Variants in RICTOR observed in about 807,000 individuals in gnomAD.
The protein encoded by RICTOR is rapamycin-insensitive companion of mTOR.
In RICTOR, 49 loss-of-function variants were observed where a neutral mutation model predicts 214.9. The observed-to-expected ratio is 0.23, with a 90% CI of 0.18 to 0.29. The LOEUF is 0.29. RICTOR is among the 10% of genes least tolerant of loss of function. RICTOR has a pLI of 1.00. For missense variants in RICTOR, 1,625 were observed against 2,047.0 expected, an observed-to-expected ratio of 0.79 and a Z score of 3.98; for synonymous variants, 717 against 711.3, an observed-to-expected ratio of 1.01 and a Z score of -0.13.
At chr5:38,990,866 G>GATATATGATAGAT in intron 7 of RICTOR, 83 bp downstream of exon 7, 1 of 611,216 alleles carries the variant, frequency 1.6e-6, no homozygotes, top group East Asian at 3.5e-5. Flanking sequence ...ATATATGATA[G>GATATATGATAGAT]ATATATGATA....
chr5:39,047,706 A>G (rs1757588058), intron 2 of RICTOR, among the ~76,000 whole-genome samples: 3 of 152,238 alleles, frequency 2.0e-5, no homozygotes, highest in Admixed American at 2.0e-4. Flanking sequence ...GCTGTATGAA[A>G]TGAGTTTAGG....
intron 6 of RICTOR, among the ~76,000 whole-genome samples, chr5:38,993,266 T>C (rs1336730695): frequency 6.6e-6 from 1 of 152,174 alleles, no homozygotes; most frequent in Non-Finnish European, 1.5e-5. Flanking sequence ...CTCTTTCAAA[T>C]GTAAAAAGTT....
At chr5:39,004,616 C>G (rs923175139) in intron 3 of RICTOR, among the ~76,000 whole-genome samples, 7 of 151,788 alleles carry the variant, frequency 4.6e-5, no homozygotes, top group African/African-American at 1.7e-4. Context: ...CCTGCCACCA[C>G]GCCCAGCTAA....
chr5:39,044,034 A>C (rs1056309068), intron 2 of RICTOR, among the ~76,000 whole-genome samples: 11 of 152,236 alleles, frequency 7.2e-5, no homozygotes, highest in African/African-American at 2.7e-4. Flanking sequence ...TAATCCATTA[A>C]TGGATTTACT....
intron 8 of RICTOR, among the ~76,000 whole-genome samples, chr5:38,979,801 A>C (rs908183551): frequency 1.3e-5 from 2 of 152,158 alleles, no homozygotes; most frequent in Admixed American, 6.5e-5. Context: ...TACAACATGA[A>C]GCTTTATCAG....
chr5:39,019,831 C>T (rs764782196), intron 3 of RICTOR, among the ~76,000 whole-genome samples: 7 of 152,178 alleles, frequency 4.6e-5, no homozygotes, highest in Non-Finnish European at 8.8e-5. Flanking sequence ...AGTGATTCCT[C>T]TGATGGATCT....
At chr5:39,008,678 TTAAC>T (rs1002201446) in intron 3 of RICTOR, among the ~76,000 whole-genome samples, 20 of 151,918 alleles carry the variant, frequency 1.3e-4, no homozygotes, top group African/African-American at 4.6e-4. Context: ...ATAAGAAAAT[TTAAC>T]TATTGTTTTC....
In RICTOR at chr5:38,996,688, CTTTAATAAAAATG is replaced by C. The variant is rs1753200484; in HGVS notation, c.456+118_456+130del. The stretch of plus-strand genomic sequence containing the variant: ...TTTAATGAATTTATTTAATATAAAA[CTTTAATAAAAATG>C]TTTAATAAAAGTTTAGTCTTTAATC... On this transcript the variant is annotated intron_variant, in intron 6 of 37. Coordinates refer to ENST00000357387, the MANE Select transcript of RICTOR (RefSeq NM_152756.5). 7.4e-6 allele frequency: 4 copies of C among 540,328 alleles called. No homozygotes were observed. In the East Asian group the frequency reaches 1.3e-4, roughly 17 times the overall value. 33.5% of individuals were successfully genotyped at this position (540,328 alleles called of 1,614,324 possible).
intron 2 of RICTOR, among the ~76,000 whole-genome samples, chr5:39,052,654 T>C (rs968347995): frequency 6.6e-6 from 1 of 152,172 alleles, no homozygotes; most frequent in Non-Finnish European, 1.5e-5. Context: ...ATAAAACCAG[T>C]GGGGATCCTG....
chr5:38,993,862 G>GT (rs1752963042), intron 6 of RICTOR, among the ~76,000 whole-genome samples: 1 of 152,034 alleles, frequency 6.6e-6, no homozygotes, highest in African/African-American at 2.4e-5. Context: ...CATAAACTTT[G>GT]TTTCATGCAC....
chr5:38,952,035 CTT>C (rs1210688899), intron 30 of RICTOR, among the ~76,000 whole-genome samples, 159 bp downstream of exon 30: 23 of 151,948 alleles, frequency 1.5e-4, no homozygotes, highest in African/African-American at 3.1e-4. Context: ...TGATTATACT[CTT>C]TGTTATGAAA....
chr5:39,028,042 T>G (rs557368974), intron 2 of RICTOR, among the ~76,000 whole-genome samples: 228 of 152,148 alleles, frequency 1.5e-3, no homozygotes, highest in Non-Finnish European at 2.2e-3. Flanking sequence ...TGAGAAAAGG[T>G]GCCTAACATC....
chr5:38,995,692 A>G (rs1332245477), intron 6 of RICTOR, among the ~76,000 whole-genome samples: 1 of 152,138 alleles, frequency 6.6e-6, no homozygotes, highest in Non-Finnish European at 1.5e-5. Flanking sequence ...ATATAACCCA[A>G]ATAACCAAAA....
At position 39,074,332 on chromosome 5, in the gene RICTOR, G is replaced by C. The variant is rs1296901009; in HGVS notation, c.46C>G (p.Arg16Gly). The C allele has an allele frequency of 5.2e-6, 8 of 1,540,352 alleles. No individual in the cohort carries two copies. Among genetic ancestry groups the C allele is most frequent in the South Asian group, 2.4e-5 (2 of 82,924 alleles). The change falls in exon 1 of 38, where the codon CGA (arginine) becomes GGA (glycine). Residue 16 changes from arginine (R) to glycine (G), a missense_variant. Physicochemically the swap from Arg to Gly is moderately radical, Grantham distance 125. Transcript: ENST00000357387. ...GTGAGGGTTGCAGCGGGCTTACCTCGTACTCGGAGGTTCTTCAGAGAGCGG... is the reference window on the plus strand; with the variant it reads ...GTGAGGGTTGCAGCGGGCTTACCTCCTACTCGGAGGTTCTTCAGAGAGCGG... Reference protein sequence around the residue: ...RGRSLKNLRVRGRNDSGEENV... With the variant: ...RGRSLKNLRVGGRNDSGEENV...
intron 30 of RICTOR, among the ~76,000 whole-genome samples, chr5:38,951,684 C>T (rs16867902): frequency 0.025 from 3,846 of 152,008 alleles, 73 homozygotes; most frequent in South Asian, 0.082. Flanking sequence ...GTACACCTAA[C>T]ACCACTTAGC....
chr5:39,060,018 A>G (rs1272957372), intron 2 of RICTOR, among the ~76,000 whole-genome samples: 1 of 152,102 alleles, frequency 6.6e-6, no homozygotes. Context: ...CTTTTAGTCA[A>G]TACTAGACTG....
In RICTOR at chr5:38,946,570, C is replaced by T. The variant is rs1453573773; in HGVS notation, c.4315-18G>A. On this transcript the variant is annotated intron_variant, in intron 32 of 37. Transcript: ENST00000357387. ...TCCTTTACCTAAAAAAAGATATAAA[C>T]CATGGTAAGTCCTGCTATAAAAATA... The T allele has an allele frequency of 5.5e-6, 8 of 1,451,286 alleles. No homozygotes were observed. The highest frequency in any genetic ancestry group is 7.7e-6 in the Non-Finnish European group (8 of 1,032,284). 89.9% of individuals were successfully genotyped at this position (1,451,286 alleles called of 1,614,324 possible).
At chr5:38,971,649 G>C (rs1249062054) in intron 11 of RICTOR, 1 of 301,744 alleles carries the variant, frequency 3.3e-6, no homozygotes, top group Non-Finnish European at 6.1e-6. Context: ...CCAAAGTTCT[G>C]GGATTACACG....
chr5:38,999,795 CATAA>C (rs1359485494), intron 5 of RICTOR, among the ~76,000 whole-genome samples: 2 of 151,754 alleles, frequency 1.3e-5, no homozygotes, highest in African/African-American at 4.8e-5. Flanking sequence ...AACCACTAGA[CATAA>C]ATAGTCTAAA....
Sources: gnomAD v4.1 joint callset for allele counts (sites outside exome capture counted in the v4.1 genomes callset) on GRCh38, gnomAD v4.1.1 for gene constraint, MANE v1.5 for transcripts, NCBI Gene and HGNC (gene_info 2026-07-23, HGNC 2026-07-21) for gene names.